The following PAPLN variants were observed in gnomAD, a reference collection of about 807,000 sequenced individuals.
The protein encoded by PAPLN is papilin, proteoglycan like sulfated glycoprotein, also known as papilin.
In PAPLN, 146 loss-of-function variants were observed where a neutral mutation model predicts 159.0. The observed-to-expected ratio is 0.92, with a 90% CI of 0.80 to 1.05. PAPLN has a LOEUF of 1.05. Among genes scored for constraint, PAPLN ranks in the 50% least tolerant of loss-of-function variants. The pLI, the probability that PAPLN is intolerant of heterozygous loss-of-function variation, is 0.00. For synonymous variants in PAPLN, 734 were observed against 702.9 expected (o/e 1.04, Z -0.70); for missense variants, 1,720 against 1,743.9 (o/e 0.99, Z 0.24).
rs749694964 is a variant in PAPLN, at chr14:73,250,111, C to T, written c.462C>T (p.Cys154=). ...GKRDVCVDGS[C]RVVGCDHELD... Reference sequence around the variant, plus strand: ...GGGATGTCTGTGTGGATGGCAGCTGCCGGGTGAGTGGTGCCCCAGCCCCTC... The same window carrying T: ...GGGATGTCTGTGTGGATGGCAGCTGTCGGGTGAGTGGTGCCCCAGCCCCTC... Residue 154 remains cysteine (C), a synonymous_variant, in exon 6 of 27, where the codon TGC becomes TGT. Transcript: ENST00000644200. The T allele has an allele frequency of 6.8e-6, 11 of 1,606,584 alleles. No individual in the cohort carries two copies. In the South Asian group the frequency reaches 1.1e-4, roughly 16 times the overall value.
At chr14:73,258,190 C>T (rs1431455792) in intron 14 of PAPLN, among the ~76,000 whole-genome samples, 3 of 152,100 alleles carry the variant, frequency 2.0e-5, no homozygotes, top group African/African-American at 7.2e-5. Context: ...GTATTTAGCG[C>T]ATTATTTCAA....
chr14:73,251,701 G>T lies in PAPLN; in HGVS notation c.708G>T (p.Gly236=). 6.2e-7 allele frequency: 1 copy of T among 1,613,422 alleles called. No homozygotes were observed. Among genetic ancestry groups the T allele is most frequent in the South Asian group, 1.1e-5 (1 of 91,082 alleles). The change falls in exon 9 of 27, where the codon GGG becomes GGT. Residue 236 remains glycine (G), a synonymous_variant. Coordinates refer to ENST00000644200, the MANE Select transcript of PAPLN (RefSeq NM_001365906.3). ...KNVRGEYYLN[G]HWTIEAARAL... is the part of the protein sequence containing the mutation. Reference sequence around the variant, plus strand: ...TTCGTGGGGAATACTACCTCAATGGGCACTGGACCATCGAGGCGGCCCGGG... The same window carrying T: ...TTCGTGGGGAATACTACCTCAATGGTCACTGGACCATCGAGGCGGCCCGGG...
intron 1 of PAPLN, chr14:73,239,495 C>A (rs1232737043): frequency 8.9e-6 from 4 of 451,102 alleles, no homozygotes; most frequent in Non-Finnish European, 1.2e-5. Flanking sequence ...TTTTTAATTG[C>A]TCTCTCTTTT....
intron 25 of PAPLN, 84 bp from the exon 26 acceptor site, chr14:73,268,473 G>A (rs769311020): frequency 1.1e-5 from 16 of 1,424,938 alleles, no homozygotes; most frequent in Non-Finnish European, 1.5e-5. Flanking sequence ...GTTGGCTCTG[G>A]AATGGCCTTT....
intron 2 of PAPLN, chr14:73,243,581 G>T (rs1016148181): frequency 6.6e-6 from 1 of 152,254 alleles, no homozygotes; most frequent in Non-Finnish European, 1.5e-5. Flanking sequence ...TTCTTCCCCT[G>T]TGGTTTCCTC....
chr14:73,248,268 T>C (rs1442934797), intron 5 of PAPLN, among the ~76,000 whole-genome samples: 2 of 149,724 alleles, frequency 1.3e-5, no homozygotes, highest in African/African-American at 5.0e-5. Flanking sequence ...TGTGTGTGTG[T>C]GTGTGTTGTG....
intron 18 of PAPLN, 25 bp downstream of exon 18, chr14:73,261,319 T>C (rs2140281298): frequency 6.2e-7 from 1 of 1,609,352 alleles, no homozygotes; most frequent in Non-Finnish European, 8.5e-7. Flanking sequence ...CCTCTCCTCC[T>C]TCTCGATGGG....
chr14:73,237,232 C>CT (rs1883086200), upstream of PAPLN, among the ~76,000 whole-genome samples: 1 of 152,124 alleles, frequency 6.6e-6, no homozygotes, highest in African/African-American at 2.4e-5. Flanking sequence ...TAGGGCAAAG[C>CT]TAGAAGGCTT....
At chr14:73,247,045 C>A (rs1202108364) in intron 5 of PAPLN, among the ~76,000 whole-genome samples, 1 of 152,088 alleles carries the variant, frequency 6.6e-6, no homozygotes, top group Non-Finnish European at 1.5e-5. Flanking sequence ...GTGTCTATAC[C>A]ATTTTGAGCC....
intron 25 of PAPLN, 91 bp downstream of exon 25, chr14:73,266,922 C>CCA (rs1204297912): frequency 5.7e-6 from 7 of 1,227,938 alleles, no homozygotes; most frequent in Non-Finnish European, 8.2e-6. Flanking sequence ...GTCACTGTCA[C>CCA]CACTGCTTCC....
chr14:73,236,772 A>G (rs1167327797), upstream of PAPLN, among the ~76,000 whole-genome samples: 1 of 151,218 alleles, frequency 6.6e-6, no homozygotes, highest in Non-Finnish European at 1.5e-5. Context: ...GCCAAGATCT[A>G]GCCATTGCTC....
rs2140302236 is a variant in PAPLN, at chr14:73,265,820, G to A, written c.3263+313G>A. Among the ~76,000 whole-genome samples, 1 of 152,352 alleles carries A rather than the reference G, an allele frequency of 6.6e-6. No homozygotes were observed. The highest frequency in any genetic ancestry group is 6.5e-5 in the Admixed American group (1 of 15,300). On this transcript the variant is annotated intron_variant, in intron 23 of 26. Transcript: ENST00000644200. The surrounding 1 kb of genome is among the most constrained non-coding windows in gnomAD (Gnocchi z 4.1). The stretch of plus-strand genomic sequence containing the variant: ...CATAATGGCTACCCTTTACTGAGCA[G>A]GCACTGAGTATGAGGCTTGTGCTCT...
chr14:73,251,986 A>C, intron 9 of PAPLN, 32 bp from the exon 10 acceptor site: 1 of 1,585,746 alleles, frequency 6.3e-7, no homozygotes, highest in Non-Finnish European at 8.6e-7. Flanking sequence ...GCTCCCCAGC[A>C]GCAGACCCCA....
intron 19 of PAPLN, 56 bp downstream of exon 19, chr14:73,262,883 C>T: frequency 2.2e-6 from 3 of 1,363,354 alleles, no homozygotes; most frequent in South Asian, 2.1e-5. Context: ...AGGAGCATGC[C>T]AGTTGGAGCT....
In PAPLN at chr14:73,246,165, C is replaced by T. The variant is rs755017899; in HGVS notation, c.324C>T (p.Pro108=). 1.9e-6 allele frequency: 3 copies of T among 1,586,234 alleles called. No individual in the cohort carries two copies. The highest frequency in any genetic ancestry group is 1.7e-4 in the Middle Eastern group (1 of 5,974). Residue 108 remains proline, a synonymous_variant, in exon 5 of 27, where the codon CCC becomes CCT. Coordinates refer to ENST00000644200, the MANE Select transcript of PAPLN (RefSeq NM_001365906.3). ...AGGGGCGGCGGTATCGGTGGCTGCC[C>T]TACTACAGCGGTGAGCGCGGCCGGG... ...EFQGRRYRWL[P]YYSAPNKCEL...
chr14:73,252,507 G>A (rs1885399460), intron 10 of PAPLN, 142 bp from the exon 11 acceptor site: 1 of 1,130,208 alleles, frequency 8.8e-7, no homozygotes, highest in African/African-American at 1.6e-5. Context: ...AATTGGAGAT[G>A]TGGTGGCACC....
rs540048050 is a variant in PAPLN at position 73,260,796 on chromosome 14, G to T, written c.2073G>T (p.Gly691=). 2.7e-6 allele frequency: 4 copies of T among 1,494,028 alleles called. No individual in the cohort carries two copies. In the South Asian group the frequency reaches 5.6e-5, roughly 21 times the overall value. 92.5% of individuals were successfully genotyped at this position (1,494,028 alleles called of 1,614,324 possible). A position where few individuals can be genotyped will look rare whatever the true frequency, so the allele number is the denominator to read the frequency against. ...CTKSYGGDST[G]GMPRSRAVAS... is the part of the protein sequence containing the mutation. ...AGTCGTATGGTGGTGACAGCACCGG[G>T]GGCATGCCCAGGTCAAGGGCAGTGG... The change falls in exon 17 of 27, where the codon GGG becomes GGT. Residue 691 remains glycine (G), a synonymous_variant. Transcript: ENST00000644200.
At chr14:73,237,784 C>T (rs923827070) in intron 1 of PAPLN, among the ~76,000 whole-genome samples, 192 bp downstream of exon 1, 1 of 152,020 alleles carries the variant, frequency 6.6e-6, no homozygotes, top group Non-Finnish European at 1.5e-5. Context: ...GCACCGCGCG[C>T]CCCCCGGCCT....
intron 2 of PAPLN, among the ~76,000 whole-genome samples, chr14:73,240,238 G>A (rs1425565332): frequency 1.3e-5 from 2 of 151,990 alleles, no homozygotes; most frequent in Non-Finnish European, 2.9e-5. Flanking sequence ...TGGCCTAGAG[G>A]TTTGGGGTGC....
Sources: allele counts gnomAD v4.1 joint callset (sites outside exome capture counted in the v4.1 genomes callset), GRCh38; gene constraint gnomAD v4.1.1; non-coding constraint Gnocchi (gnomAD v3.1); transcripts MANE v1.5; gene names NCBI Gene and HGNC (gene_info 2026-07-23, HGNC 2026-07-21).